Variants in AGMO observed in about 807,000 individuals in gnomAD.
AGMO encodes the protein glyceryl-ether monooxygenase.
In AGMO, 75 loss-of-function variants were observed where a neutral mutation model predicts 60.2. The observed-to-expected ratio is 1.25, with a 90% CI of 1.03 to 1.51. AGMO has a LOEUF of 1.51. Among genes scored for constraint, AGMO ranks in the 40% most tolerant of loss-of-function variants. The pLI, the probability that AGMO is intolerant of heterozygous loss-of-function variation, is 0.00. For missense variants in AGMO, 763 were observed against 525.5 expected, an observed-to-expected ratio of 1.45 and a Z score of -4.42; for synonymous variants, 261 against 177.1, an observed-to-expected ratio of 1.47 and a Z score of -3.76.
Position 15,365,555 on chromosome 7 carries a change from G to A in AGMO, c.1222C>T (p.His408Tyr). 1 of 1,612,856 alleles carries A rather than the reference G, an allele frequency of 6.2e-7. No homozygotes were observed. The highest frequency in any genetic ancestry group is 1.1e-5 in the South Asian group (1 of 90,998). Reference sequence around the variant, plus strand: ...AATGAAGGGACAAGAGGCTTCAGGTGACCAAATCGGTACAGCATTAAGAAC... The same window carrying A: ...AATGAAGGGACAAGAGGCTTCAGGTAACCAAATCGGTACAGCATTAAGAAC... Reference protein sequence around the residue: ...LMFLMLYRFGHLKPLVPSLSS... With the variant: ...LMFLMLYRFGYLKPLVPSLSS... The change falls in exon 12 of 13, where the codon CAC becomes TAC. Residue 408 changes from histidine to tyrosine, a missense_variant. His to Tyr is a moderately conservative substitution (Grantham distance 83). Coordinates refer to ENST00000342526, the MANE Select transcript of AGMO (RefSeq NM_001004320.2).
intron 12 of AGMO, among the ~76,000 whole-genome samples, chr7:15,326,335 G>A (rs1292338701): frequency 6.6e-6 from 1 of 152,188 alleles, no homozygotes; most frequent in South Asian, 2.1e-4. Context: ...AAAGGGGTAA[G>A]GGATGATAGG....
Position 15,324,813 on chromosome 7 carries a change from C to G in AGMO, c.1263+40701G>C, listed in dbSNP as rs181638145. Among the ~76,000 whole-genome samples, 5 of 152,152 alleles carry G rather than the reference C, an allele frequency of 3.3e-5. No individual in the cohort carries two copies. In the East Asian group the frequency reaches 9.7e-4, roughly 30 times the overall value. On this transcript the variant is annotated intron_variant, in intron 12 of 12. Coordinates refer to ENST00000342526, the MANE Select transcript of AGMO (RefSeq NM_001004320.2). ...ATAGAGTTCGAGCTCCCATGAGAAT[C>G]TAATGTCACCACTGATCTGACAGGA...
At chr7:15,382,653 C>T (rs1351623351) in intron 10 of AGMO, among the ~76,000 whole-genome samples, 1 of 152,082 alleles carries the variant, frequency 6.6e-6, no homozygotes, top group Non-Finnish European at 1.5e-5. Context: ...TAACAAAATC[C>T]AAAGGAATTA....
intron 5 of AGMO, among the ~76,000 whole-genome samples, chr7:15,394,949 G>T (rs767624089): frequency 1.3e-5 from 2 of 152,098 alleles, no homozygotes; most frequent in African/African-American, 2.4e-5. Context: ...GATTCCCCTA[G>T]TTCTGAGTCT....
chr7:15,402,864 C>G (rs1784589555), intron 5 of AGMO, among the ~76,000 whole-genome samples: 1 of 151,408 alleles, frequency 6.6e-6, no homozygotes, highest in Non-Finnish European at 1.5e-5. Context: ...TCTTGTCAGC[C>G]AGTTCATTTA....
At chr7:15,312,879 G>C (rs1450972113) in intron 12 of AGMO, among the ~76,000 whole-genome samples, 1 of 151,990 alleles carries the variant, frequency 6.6e-6, no homozygotes, top group Admixed American at 6.6e-5. Flanking sequence ...ATGTTGCCCA[G>C]GATGGTCTCA....
At chr7:15,425,371 AAT>A (rs1781031880) in intron 4 of AGMO, among the ~76,000 whole-genome samples, 2 of 152,120 alleles carry the variant, frequency 1.3e-5, no homozygotes, top group Admixed American at 1.3e-4. Flanking sequence ...ATAATGTAAT[AAT>A]GTTATTAATG....
chr7:15,189,995 T>C, the AGMO span, among the ~76,000 whole-genome samples: 1 of 150,478 alleles, frequency 6.6e-6, no homozygotes, highest in African/African-American at 2.4e-5. Context: ...TCCAAGGAGC[T>C]ACCCATATCC....
At chr7:15,399,301 C>G (rs1452689066) in intron 5 of AGMO, among the ~76,000 whole-genome samples, 1 of 152,060 alleles carries the variant, frequency 6.6e-6, no homozygotes, top group Non-Finnish European at 1.5e-5. Flanking sequence ...AGAAATTCTA[C>G]AATTTCTATT....
At chr7:15,393,310 G>C (rs556321237) in intron 6 of AGMO, among the ~76,000 whole-genome samples, 77 of 152,262 alleles carry the variant, frequency 5.1e-4, no homozygotes, top group Admixed American at 1.6e-3. Flanking sequence ...GAAACTTATA[G>C]AAACAGAACA....
At chr7:15,300,905 T>G (rs2128526011) in intron 12 of AGMO, among the ~76,000 whole-genome samples, 1 of 152,250 alleles carries the variant, frequency 6.6e-6, no homozygotes, top group South Asian at 2.1e-4. Context: ...TGCCAAAATT[T>G]TAGTGTCAAT....
intron 12 of AGMO, among the ~76,000 whole-genome samples, chr7:15,256,294 C>G (rs149249865): frequency 2.0e-5 from 3 of 152,352 alleles, no homozygotes; most frequent in African/African-American, 7.2e-5. Context: ...TAACAAACCA[C>G]ATATACGGTG....
intron 12 of AGMO, among the ~76,000 whole-genome samples, chr7:15,333,044 A>G (rs1346210437): frequency 1.3e-5 from 2 of 152,186 alleles, no homozygotes; most frequent in Non-Finnish European, 2.9e-5. Context: ...CATATAGTCC[A>G]AGCTTATAAC....
intron 2 of AGMO, among the ~76,000 whole-genome samples, chr7:15,554,873 T>C (rs150658545): frequency 3.9e-5 from 6 of 151,946 alleles, no homozygotes; most frequent in African/African-American, 1.4e-4. Context: ...AGTGTGAGAG[T>C]GGGCATGACA....
rs1443104025 is a variant in AGMO at position 15,529,749 on chromosome 7, T to TATATAGAATATATA, written c.409+15022_409+15023insTATATATTCTATAT. The stretch of plus-strand genomic sequence containing the variant: ...ACTCTATATATATTCTATATATATA[T>TATATAGAATATATA]TTCTATATATATATTTCTCTATATA... On this transcript the variant is annotated intron_variant, in intron 3 of 12. Transcript: ENST00000342526. Among the ~76,000 whole-genome samples, 37 of 111,988 alleles carry TATATAGAATATATA rather than the reference T, an allele frequency of 3.3e-4. 5 individuals carry two copies. Among genetic ancestry groups the TATATAGAATATATA allele is most frequent in the African/African-American group, 1.3e-3 (36 of 26,872 alleles). The allele number at this position is 111,988 out of a possible 152,430, so 73.5% of individuals were successfully genotyped here.
In AGMO at chr7:15,354,391, T is replaced by TAC. The variant is rs1491180557; in HGVS notation, c.1263+11122_1263+11123insGT. 1.4e-3 allele frequency among the ~76,000 whole-genome samples: 77 copies of TAC among 54,724 alleles called. 12 individuals carry two copies. The highest frequency in any genetic ancestry group is 0.011 in the African/African-American group (74 of 6,950). 35.9% of individuals were successfully genotyped at this position (54,724 alleles called of 152,430 possible). A position where few individuals can be genotyped will look rare whatever the true frequency, so the allele number is the denominator to read the frequency against. ...ATAGACGTGTGTATACACGTGTGTG[T>TAC]ATACACGTGTGTGTACACACGTGTG... On this transcript the variant is annotated intron_variant, in intron 12 of 12. Transcript: ENST00000342526.
chr7:15,138,861 C>T, the AGMO span, among the ~76,000 whole-genome samples: 2 of 152,092 alleles, frequency 1.3e-5, no homozygotes, highest in African/African-American at 2.4e-5. Flanking sequence ...TTGACTTTTT[C>T]ATTCAGTTCT....
intron 10 of AGMO, among the ~76,000 whole-genome samples, chr7:15,382,317 C>T (rs1019967266): frequency 2.0e-5 from 3 of 152,102 alleles, no homozygotes; most frequent in African/African-American, 7.2e-5. Flanking sequence ...TGTACTAATA[C>T]TGTGCTGATT....
intron 12 of AGMO, among the ~76,000 whole-genome samples, chr7:15,335,053 C>T (rs896955376): frequency 3.9e-5 from 6 of 152,158 alleles, no homozygotes; most frequent in African/African-American, 1.4e-4. Flanking sequence ...AAGGGAGACT[C>T]ACATTTGTAT....
Sources: allele counts gnomAD v4.1 joint callset (sites outside exome capture counted in the v4.1 genomes callset), GRCh38; gene constraint gnomAD v4.1.1; transcripts MANE v1.5; gene names NCBI Gene and HGNC (gene_info 2026-07-23, HGNC 2026-07-21).